The following HPX variants were observed in gnomAD, a reference collection of about 807,000 sequenced individuals.
The protein encoded by HPX is hemopexin.
HPX carries 42 observed loss-of-function variants against 53.8 expected under a neutral mutation model. That is an observed-to-expected ratio of 0.78 (90% CI 0.61 to 1.01). HPX has a LOEUF of 1.01. Among genes scored for constraint, HPX ranks in the 50% least tolerant of loss-of-function variants. The pLI is 0.00. For synonymous variants in HPX, 229 were observed against 221.1 expected (o/e 1.04, Z -0.32); for missense variants, 547 against 594.3 (o/e 0.92, Z 0.83).
Position 6,438,368 on chromosome 11 carries a change from G to T in HPX, c.478C>A (p.Leu160Ile), listed in dbSNP as rs1385694311. 2 of 1,614,040 alleles carry T rather than the reference G, an allele frequency of 1.2e-6. No individual in the cohort carries two copies. Among genetic ancestry groups the T allele is most frequent in the Admixed American group, 3.3e-5 (2 of 60,004 alleles). The change falls in exon 5 of 10, where the codon CTC becomes ATC. Residue 160 changes from leucine (L) to isoleucine (I), a missense_variant. Physicochemically the swap from Leu to Ile is conservative, Grantham distance 5. Coordinates refer to ENST00000265983, the MANE Select transcript of HPX (RefSeq NM_000613.3). Reference protein sequence around the residue: ...HRGECQAEGVLFFQGDREWFW... With the variant: ...HRGECQAEGVIFFQGDREWFW... The stretch of plus-strand genomic sequence containing the variant: ...AGCCTGGACTGACCTTGGAAGAAGA[G>T]GACGCCTTCAGCTTGACATTCTCCA...
chr11:6,439,385 G>C (rs1849456922), intron 4 of HPX, among the ~76,000 whole-genome samples: 1 of 152,206 alleles, frequency 6.6e-6, no homozygotes, highest in South Asian at 2.1e-4. Flanking sequence ...CAGGAGGAAA[G>C]GTTGGTTTGT....
At chr11:6,438,614 G>GC in intron 4 of HPX, 105 bp from the exon 5 acceptor site, 1 of 982,462 alleles carries the variant, frequency 1.0e-6, no homozygotes, top group Non-Finnish European at 1.6e-6. Context: ...TCCTCCTGTG[G>GC]CCCTACACAT....
intron 4 of HPX, chr11:6,439,503 T>C (rs1849458696): frequency 6.5e-6 from 1 of 153,120 alleles, no homozygotes; most frequent in Non-Finnish European, 1.5e-5. Flanking sequence ...AGATCCAGTG[T>C]CCACAGCATA....
rs374245311 is a variant in HPX, at chr11:6,437,645, G to A, written c.498C>T (p.Arg166=). 26 of 1,613,786 alleles carry A rather than the reference G, an allele frequency of 1.6e-5. No individual in the cohort carries two copies. The highest frequency in any genetic ancestry group is 1.9e-5 in the Non-Finnish European group (22 of 1,179,894). ...AEGVLFFQGD[R]EWFWDLATGT... ...CCGTAGCCAAGTCCCAGAACCACTC[G>A]CGGTCACCTTTGTCCAATCAATCAA... The change falls in exon 6 of 10, where the codon CGC becomes CGT. Residue 166 remains arginine (R), a synonymous_variant. Coordinates refer to ENST00000265983, the MANE Select transcript of HPX (RefSeq NM_000613.3).
rs1421762293 is a variant in HPX at position 6,437,458 on chromosome 11, T to C, written c.685A>G (p.Met229Val). ...TTCTCACCTCTGCCAGGGCAGGGCATGAAGTAGTCTCGGACATCCCGCGGG... is the reference window on the plus strand; with the variant it reads ...TTCTCACCTCTGCCAGGGCAGGGCACGAAGTAGTCTCGGACATCCCGCGGG... ...RYPRDVRDYF[M>V]PCPGRGHGHR... The change falls in exon 6 of 10, where the codon ATG (methionine) becomes GTG (valine). Residue 229 changes from methionine (M) to valine (V), a missense_variant. Physicochemically the swap from Met to Val is conservative, Grantham distance 21. Transcript: ENST00000265983. 2 of 1,613,608 alleles carry C rather than the reference T, an allele frequency of 1.2e-6. No homozygotes were observed. Among genetic ancestry groups the C allele is most frequent in the African/African-American group, 2.7e-5 (2 of 74,916 alleles).
At chr11:6,432,146 G>T in intron 7 of HPX, 129 bp from the exon 8 acceptor site, 1 of 1,003,060 alleles carries the variant, frequency 1.0e-6, no homozygotes, top group Non-Finnish European at 1.5e-6. Flanking sequence ...GAAGAGGCCA[G>T]GTGAGAAGGA....
Position 6,438,504 on chromosome 11 carries a change from G to A in HPX, c.342C>T (p.Asp114=). ...GHNSVFLIKG[D]KVWVYPPEKK... ...TTTCAGGAGGGTATACCCAGACTTTGTCCCCCTGCATTCAAAAGTACTCTC... is the reference window on the plus strand; with the variant it reads ...TTTCAGGAGGGTATACCCAGACTTTATCCCCCTGCATTCAAAAGTACTCTC... The change falls in exon 5 of 10, where the codon GAC becomes GAT. Residue 114 remains aspartate, a synonymous_variant. Coordinates refer to ENST00000265983, the MANE Select transcript of HPX (RefSeq NM_000613.3). The A allele has an allele frequency of 6.2e-7, 1 of 1,613,854 alleles. No homozygotes were observed. The highest frequency in any genetic ancestry group is 8.5e-7 in the Non-Finnish European group (1 of 1,179,810).
At position 6,431,439 on chromosome 11, in the gene HPX, T is replaced by C. The variant is rs1397165048; in HGVS notation, c.1161A>G (p.Ser387=). The C allele has an allele frequency of 6.2e-7, 1 of 1,614,116 alleles. No homozygotes were observed. The highest frequency in any genetic ancestry group is 1.7e-5 in the Admixed American group (1 of 60,012). Residue 387 remains serine (S), a synonymous_variant, in exon 10 of 10, where the codon TCA becomes TCG. Transcript: ENST00000265983. ...GCTCTGTCCACGTGGCTTGGGCTCC[T>C]GACTTCAGGTCCAGCCACCACAGCC... The part of the protein sequence containing the change: ...GRRLWWLDLK[S]GAQATWTELP...
At chr11:6,432,236 G>A (rs1849360587) in intron 7 of HPX, 1 of 584,452 alleles carries the variant, frequency 1.7e-6, no homozygotes, top group Non-Finnish European at 3.0e-6. Flanking sequence ...CTGAAAGAAA[G>A]GCAAGTGTGG....
intron 7 of HPX, among the ~76,000 whole-genome samples, chr11:6,436,053 T>G (rs140080253): frequency 6.6e-6 from 1 of 152,358 alleles, no homozygotes; most frequent in Non-Finnish European, 1.5e-5. Flanking sequence ...TATGTGTTCT[T>G]ACTATGGCGT....
chr11:6,440,338 T>G (rs375443054), intron 3 of HPX, 52 bp from the exon 4 acceptor site: 1 of 1,608,954 alleles, frequency 6.2e-7, no homozygotes, highest in South Asian at 1.1e-5. Flanking sequence ...TTTGACCTAC[T>G]GAGATAGCTT....
Position 6,440,933 on chromosome 11 carries a change from G to T in HPX, c.31C>A (p.Leu11Met). MARVLGAPVA[L>M]GLWSLCWSLA... ...GACCAGCATAGGCTCCACAACCCCA[G>T]TGCAACGGGTGCTCCCAGTACCCTA... is the stretch of plus-strand genomic sequence containing the variant. The change falls in exon 1 of 10, where the codon CTG (leucine) becomes ATG (methionine). Residue 11 changes from leucine (L) to methionine (M), a missense_variant. Leu to Met is a conservative substitution (Grantham distance 15, BLOSUM62 2). Coordinates refer to ENST00000265983, the MANE Select transcript of HPX (RefSeq NM_000613.3). 1 of 1,609,992 alleles carries T rather than the reference G, an allele frequency of 6.2e-7. No individual in the cohort carries two copies. The highest frequency in any genetic ancestry group is 1.1e-5 in the South Asian group (1 of 90,348).
chr11:6,437,070 G>A lies in HPX; in HGVS notation c.811C>T (p.His271Tyr), dbSNP rs770926012. The A allele has an allele frequency of 6.2e-7, 1 of 1,614,182 alleles. No homozygotes were observed. Among genetic ancestry groups the A allele is most frequent in the East Asian group, 2.2e-5 (1 of 44,886 alleles). The change falls in exon 7 of 10, where the codon CAT (histidine) becomes TAT (tyrosine). Residue 271 changes from histidine (H) to tyrosine (Y), a missense_variant. Transcript: ENST00000265983. ...CCACTGAAGGCATAGGTGGCACCAT[G>A]GTTGTCAGACGTCAGTGCAGACAAG... is the stretch of plus-strand genomic sequence containing the variant. ...LVLSALTSDN[H>Y]GATYAFSGTH...
At chr11:6,433,126 G>C (rs1216549947) in intron 7 of HPX, among the ~76,000 whole-genome samples, 8 of 152,208 alleles carry the variant, frequency 5.3e-5, no homozygotes, top group Admixed American at 5.2e-4. Flanking sequence ...CACGAAAGCT[G>C]AGTCATTCTT....
chr11:6,440,592 AAAAAAAAAAAAC>A (rs1849471202), intron 2 of HPX, 54 bp from the exon 3 acceptor site: 186 of 1,163,604 alleles, frequency 1.6e-4, no homozygotes, highest in Non-Finnish European at 2.1e-4. Flanking sequence ...AAAAAAAAAA[AAAAAAAAAAAAC>A]CAGAAGGTGA....
chr11:6,434,955 G>A (rs557788103), intron 7 of HPX, among the ~76,000 whole-genome samples: 5 of 152,136 alleles, frequency 3.3e-5, no homozygotes, highest in African/African-American at 4.8e-5. Context: ...GGGGCCAGGC[G>A]TGGTTGCTCA....
chr11:6,439,927 A>T, intron 4 of HPX: 1 of 557,410 alleles, frequency 1.8e-6, no homozygotes. Context: ...AGTGTGAGGT[A>T]CAGCAGAGCG....
intron 6 of HPX, 111 bp downstream of exon 6, chr11:6,437,329 G>A (rs749856217): frequency 1.5e-6 from 2 of 1,372,130 alleles, no homozygotes; most frequent in Non-Finnish European, 2.0e-6. Flanking sequence ...CTAGATTAAG[G>A]GCCAAGGTGT....
intron 4 of HPX, among the ~76,000 whole-genome samples, chr11:6,439,235 G>C (rs139567233): frequency 4.5e-4 from 68 of 152,302 alleles, no homozygotes; most frequent in Admixed American, 1.4e-3. Context: ...ATGTAGATTC[G>C]TATGGCTGGC....
Sources: gnomAD v4.1 joint callset for allele counts (sites outside exome capture counted in the v4.1 genomes callset) on GRCh38, gnomAD v4.1.1 for gene constraint, MANE v1.5 for transcripts, NCBI Gene and HGNC (gene_info 2026-07-23, HGNC 2026-07-21) for gene names.